Variants in NXN observed in about 807,000 individuals in gnomAD.
NXN encodes the protein nucleoredoxin 1.
In NXN, 16 loss-of-function variants were observed where a neutral mutation model predicts 48.6. The ratio of observed to expected loss-of-function variants is 0.33; its 90% CI spans 0.22 to 0.50. NXN has a LOEUF of 0.50. Among genes scored for constraint, NXN ranks in the 20% least tolerant of loss-of-function variants. NXN has a pLI of 0.98. For missense variants in NXN, 492 were observed against 605.5 expected (o/e 0.81, Z 1.97); for synonymous variants, 281 against 269.6 (o/e 1.04, Z -0.41).
intron 1 of NXN, among the ~76,000 whole-genome samples, chr17:891,749 T>TAAGCTAACCCCACCATGCACGACCCAG (rs1379789737): frequency 4.8e-5 from 2 of 42,012 alleles, no homozygotes; most frequent in Admixed American, 3.0e-4. Flanking sequence ...GCACAGCCCA[T>TAAGCTAACCCCACCATGCACGACCCAG]CAGGGAACCT....
intron 1 of NXN, among the ~76,000 whole-genome samples, chr17:854,609 T>A (rs1291420835): frequency 1.4e-5 from 2 of 142,366 alleles, no homozygotes; most frequent in Non-Finnish European, 3.0e-5. Context: ...GAGCTGAGAT[T>A]GCACCACTGC....
intron 1 of NXN, among the ~76,000 whole-genome samples, chr17:897,986 A>T (rs181785703): frequency 1.3e-5 from 2 of 152,272 alleles, no homozygotes; most frequent in Admixed American, 1.3e-4. Context: ...TGGCCAGTTA[A>T]GATTATTTTA....
At chr17:945,128 C>CT (rs1385588758) in intron 1 of NXN, among the ~76,000 whole-genome samples, 1 of 152,090 alleles carries the variant, frequency 6.6e-6, no homozygotes, top group East Asian at 2.0e-4. Context: ...GTGGCCCAGG[C>CT]TGGAGTGCAG....
In NXN at chr17:942,518, C is replaced by T. The variant is rs376404614; in HGVS notation, c.360+36801G>A. On this transcript the variant is annotated intron_variant, in intron 1 of 7. Transcript: ENST00000336868. Reference sequence around the variant, plus strand: ...ATTTACAGCGAACAAGATTCCAGGGCGCAGCCATGAACTCACATCACACCT... The same window carrying T: ...ATTTACAGCGAACAAGATTCCAGGGTGCAGCCATGAACTCACATCACACCT... Among the ~76,000 whole-genome samples the T allele has an allele frequency of 5.9e-4, 23 of 39,048 alleles. No homozygotes were observed. In the South Asian group the frequency reaches 0.01, roughly 17 times the overall value. The allele number at this position is 39,048 out of a possible 152,430, so 25.6% of individuals were successfully genotyped here. A position where few individuals can be genotyped will look rare whatever the true frequency, so the allele number is the denominator to read the frequency against.
In NXN at chr17:951,174, T is replaced by TAAAAAAAA. The variant is rs1567516128; in HGVS notation, c.360+28144_360+28145insTTTTTTTT. On this transcript the variant is annotated intron_variant, in intron 1 of 7. Transcript: ENST00000336868. ...CAACATGGTGAAACCCTGTCTCTAC[T>TAAAAAAAA]TAAAAAAAAAAAAAAAAAAAAAAAA... is the stretch of plus-strand genomic sequence containing the variant. 1.6e-4 allele frequency among the ~76,000 whole-genome samples: 11 copies of TAAAAAAAA among 67,530 alleles called. 1 individual carries two copies. Among genetic ancestry groups the TAAAAAAAA allele is most frequent in the South Asian group, 6.0e-4 (1 of 1,666 alleles). 44.3% of individuals were successfully genotyped at this position (67,530 alleles called of 152,430 possible). A position where few individuals can be genotyped will look rare whatever the true frequency, so the allele number is the denominator to read the frequency against.
rs190933215 is a variant in NXN, at chr17:908,656, C to T, written c.360+70663G>A. On this transcript the variant is annotated intron_variant, in intron 1 of 7. Coordinates refer to ENST00000336868, the MANE Select transcript of NXN (RefSeq NM_022463.5). Reference sequence around the variant, plus strand: ...CATGTACCAAAGGCCCCCTGGAGAGCGCTTCAGGGTTATCACAAAGCTCCT... The same window carrying T: ...CATGTACCAAAGGCCCCCTGGAGAGTGCTTCAGGGTTATCACAAAGCTCCT... Among the ~76,000 whole-genome samples the T allele has an allele frequency of 4.5e-3, 686 of 152,262 alleles. 2 individuals carry two copies. The highest frequency in any genetic ancestry group is 0.01 in the Middle Eastern group (3 of 294).
At chr17:847,387 G>A (rs2144735153) in intron 1 of NXN, among the ~76,000 whole-genome samples, 1 of 152,246 alleles carries the variant, frequency 6.6e-6, no homozygotes, top group African/African-American at 2.4e-5. Context: ...TTACAATGAT[G>A]TGAGAAACTC....
intron 1 of NXN, among the ~76,000 whole-genome samples, chr17:846,256 T>C (rs911425919): frequency 2.6e-5 from 4 of 151,084 alleles, no homozygotes; most frequent in Admixed American, 2.6e-4. Flanking sequence ...ACCCCATCTC[T>C]ACTAAAATTA....
At position 830,442 on chromosome 17, in the gene NXN, A is replaced by G. The variant is rs1913391908; in HGVS notation, c.361-4364T>C. Among the ~76,000 whole-genome samples, 2 of 152,100 alleles carry G rather than the reference A, an allele frequency of 1.3e-5. No homozygotes were observed. The highest frequency in any genetic ancestry group is 4.1e-4 in the South Asian group (2 of 4,824). On this transcript the variant is annotated intron_variant, in intron 1 of 7. Transcript: ENST00000336868. The surrounding 1 kb of genome is among the most constrained non-coding windows in gnomAD (Gnocchi z 4.2). ...GGATGGCAGCGTGGATTCCAGAGAC[A>G]GGCGTCCGGGAGGAATGACATTTGG...
chr17:972,972 G>A (rs927166997), intron 1 of NXN, among the ~76,000 whole-genome samples: 23 of 151,692 alleles, frequency 1.5e-4, no homozygotes, highest in African/African-American at 1.9e-4. Flanking sequence ...CGGAGATTGC[G>A]GTGAGCCCAG....
At chr17:812,672 G>GAGTGTAGGTGTGTGCA (rs1912160646) in intron 5 of NXN, among the ~76,000 whole-genome samples, 1 of 108,518 alleles carries the variant, frequency 9.2e-6, no homozygotes, top group Non-Finnish European at 2.1e-5. Context: ...AGGTGTGTGT[G>GAGTGTAGGTGTGTGCA]AGTGTAGGTG....
chr17:813,032 TG>T (rs1251382237), intron 5 of NXN, among the ~76,000 whole-genome samples: 1 of 151,658 alleles, frequency 6.6e-6, no homozygotes, highest in African/African-American at 2.4e-5. Flanking sequence ...CACGCGTGTG[TG>T]AATGTGTGAG....
At chr17:968,542 C>G (rs2069333738) in intron 1 of NXN, among the ~76,000 whole-genome samples, 1 of 152,142 alleles carries the variant, frequency 6.6e-6, no homozygotes, top group Admixed American at 6.5e-5. Flanking sequence ...TGCACTCTAG[C>G]CTGGGCAACA....
intron 1 of NXN, chr17:842,558 C>T: frequency 1.0e-6 from 1 of 985,448 alleles, no homozygotes; most frequent in African/African-American, 1.7e-5. Context: ...ACCTACGGCA[C>T]ATCCCGAGAC....
At chr17:965,642 G>A (rs935488808) in intron 1 of NXN, among the ~76,000 whole-genome samples, 6 of 152,016 alleles carry the variant, frequency 3.9e-5, no homozygotes, top group East Asian at 1.9e-4. Context: ...GGTGTCTAGC[G>A]GCATAACCCC....
At chr17:828,719 C>T (rs999286409) in intron 1 of NXN, among the ~76,000 whole-genome samples, 13 of 152,186 alleles carry the variant, frequency 8.5e-5, no homozygotes, top group Admixed American at 3.3e-4. Context: ...TTAAATTCCA[C>T]GATGGCATCA....
intron 1 of NXN, among the ~76,000 whole-genome samples, chr17:946,854 G>A (rs1010313704): frequency 6.6e-5 from 10 of 152,222 alleles, no homozygotes; most frequent in Non-Finnish European, 8.8e-5. Flanking sequence ...ATGCCTAGAA[G>A]GTGTCTCCAC....
At chr17:913,985 C>A (rs574718466) in intron 1 of NXN, among the ~76,000 whole-genome samples, 14 of 152,178 alleles carry the variant, frequency 9.2e-5, no homozygotes, top group Non-Finnish European at 2.1e-4. Context: ...CTGCAACCTC[C>A]GGCTCCTGAG....
chr17:805,587 T>TA (rs745891211), intron 5 of NXN, among the ~76,000 whole-genome samples: 8 of 152,092 alleles, frequency 5.3e-5, no homozygotes, highest in Non-Finnish European at 1.0e-4. Flanking sequence ...TTAAAGAACT[T>TA]AGAGTTTGGG....
Sources: gnomAD v4.1 joint callset for allele counts (sites outside exome capture counted in the v4.1 genomes callset) on GRCh38, gnomAD v4.1.1 for gene constraint, Gnocchi (gnomAD v3.1) non-coding constraint, MANE v1.5 for transcripts, NCBI Gene and HGNC (gene_info 2026-07-23, HGNC 2026-07-21) for gene names.